The following ANKRD55 variants were observed in gnomAD, a reference collection of about 807,000 sequenced individuals.
ANKRD55 encodes the protein ankyrin repeat domain 55.
Under a neutral mutation model 60.6 loss-of-function variants are expected in ANKRD55, and 41 were observed. That is an observed-to-expected ratio of 0.68 (90% CI 0.53 to 0.88). The LOEUF (loss-of-function observed/expected upper bound fraction) is 0.88. Ranked by LOEUF, ANKRD55 falls within the 40% of genes least tolerant of loss-of-function variation. ANKRD55 has a pLI of 0.00. For synonymous variants in ANKRD55, 264 were observed against 290.3 expected, an observed-to-expected ratio of 0.91 and a Z score of 0.92; for missense variants, 732 against 767.6, an observed-to-expected ratio of 0.95 and a Z score of 0.55.
intron 10 of ANKRD55, among the ~76,000 whole-genome samples, chr5:56,103,517 G>T (rs1756353579): frequency 6.6e-6 from 1 of 152,144 alleles, no homozygotes; most frequent in Non-Finnish European, 1.5e-5. Flanking sequence ...GGGCTCTGGG[G>T]TCAAACAGAA....
rs146577911 is a variant in ANKRD55, at chr5:56,183,616, A to G, written c.77T>C (p.Val26Ala). The change falls in exon 3 of 12, where the codon GTT becomes GCT. Residue 26 changes from valine to alanine, a missense_variant. Coordinates refer to ENST00000341048, the MANE Select transcript of ANKRD55 (RefSeq NM_024669.3). The part of the protein sequence containing the change: ...DQQRGDSSEE[V>A]DLTMVYQAAS... ...TGCTTGATAAACCATGGTCAGGTCA[A>G]CTTCCTCAGATGAGTCACCTTCATG... 1.4e-5 allele frequency: 22 copies of G among 1,614,068 alleles called. No homozygotes were observed. Among genetic ancestry groups the G allele is most frequent in the African/African-American group, 6.7e-5 (5 of 74,922 alleles).
intron 2 of ANKRD55, among the ~76,000 whole-genome samples, chr5:56,231,950 G>A (rs1760269178): frequency 6.6e-6 from 1 of 152,134 alleles, no homozygotes; most frequent in African/African-American, 2.4e-5. Context: ...ACCATTTCAT[G>A]TTGTAGCCAA....
At chr5:56,211,297 G>A (rs111528138) in intron 2 of ANKRD55, among the ~76,000 whole-genome samples, 4,970 of 152,260 alleles carry the variant, frequency 0.033, 94 homozygotes, top group Middle Eastern at 0.054. Flanking sequence ...CCGTTTCAAT[G>A]CCTGAGTAAC....
intron 4 of ANKRD55, among the ~76,000 whole-genome samples, chr5:56,171,488 T>C (rs555106846): frequency 2.0e-5 from 3 of 152,302 alleles, no homozygotes; most frequent in Admixed American, 6.5e-5. Flanking sequence ...ATCTTCTCAT[T>C]GTCTTTCCCA....
At chr5:56,135,347 CT>C (rs1234249440) in intron 7 of ANKRD55, among the ~76,000 whole-genome samples, 29 of 30,608 alleles carry the variant, frequency 9.5e-4, no homozygotes, top group African/African-American at 3.7e-3. Context: ...TTCTTTCTTT[CT>C]TTCTTTCTTT....
chr5:56,100,710 G>C (rs559501418), intron 11 of ANKRD55, among the ~76,000 whole-genome samples: 1 of 152,148 alleles, frequency 6.6e-6, no homozygotes, highest in Admixed American at 6.5e-5. Context: ...AGCACTGTGG[G>C]CCCTTTCATT....
chr5:56,189,203 C>T (rs1048639230), intron 2 of ANKRD55, among the ~76,000 whole-genome samples: 1 of 150,584 alleles, frequency 6.6e-6, no homozygotes, highest in African/African-American at 2.4e-5. Context: ...AAAAATTGTG[C>T]AGGAGGCTGA....
rs565473555 is a variant in ANKRD55 at position 56,166,226 on chromosome 5, T to C, written c.422+4468A>G. 7.2e-4 allele frequency among the ~76,000 whole-genome samples: 106 copies of C among 147,814 alleles called. 7 individuals are homozygous for C. The highest frequency in any genetic ancestry group is 2.6e-3 in the African/African-American group (102 of 39,342). On this transcript the variant is annotated intron_variant, in intron 5 of 11. Transcript: ENST00000341048. ...CTCTCTCTCTCTCTCTCTTTCTTTC[T>C]TTCTTTCTCTCTATCTTTCTCTCTT...
At chr5:56,139,783 G>T (rs1262383871) in intron 7 of ANKRD55, among the ~76,000 whole-genome samples, 1 of 152,174 alleles carries the variant, frequency 6.6e-6, no homozygotes, top group Non-Finnish European at 1.5e-5. Flanking sequence ...TGTAAGAATA[G>T]ATTGGAAGGC....
chr5:56,145,148 T>C (rs1757865787), intron 6 of ANKRD55, among the ~76,000 whole-genome samples: 1 of 152,200 alleles, frequency 6.6e-6, no homozygotes, highest in African/African-American at 2.4e-5. Flanking sequence ...AGTTCTTTTA[T>C]CTATTGTCTC....
chr5:56,212,106 A>C (rs1759690249), intron 2 of ANKRD55, among the ~76,000 whole-genome samples: 1 of 151,336 alleles, frequency 6.6e-6, no homozygotes. Flanking sequence ...CTATAGACCA[A>C]TTCGGTTTGT....
rs1366422855 is a variant in ANKRD55 at position 56,126,968 on chromosome 5, C to G, written c.751G>C (p.Ala251Pro). 6.2e-7 allele frequency: 1 copy of G among 1,613,762 alleles called. No homozygotes were observed. The highest frequency in any genetic ancestry group is 1.1e-5 in the South Asian group (1 of 91,010). ...TGCAGGTTACACTCAGGGACTCTTG[C>G]CAGCTCATGAATAATATCGCTGAAG... Reference protein sequence around the residue: ...AGFSDIIHELARVPECNLQAL... With the variant: ...AGFSDIIHELPRVPECNLQAL... The change falls in exon 8 of 12, where the codon GCA becomes CCA. Residue 251 changes from alanine to proline, a missense_variant. By Grantham distance (27) the Ala-to-Pro change is conservative. This residue lies in a region of ANKRD55 where 597 missense variants were observed against 607.5 expected (regional missense o/e 0.98). Coordinates refer to ENST00000341048, the MANE Select transcript of ANKRD55 (RefSeq NM_024669.3).
chr5:56,125,075 T>C lies in ANKRD55; in HGVS notation c.797+1847A>G, dbSNP rs552019734. ...ATTTTCTTTGCTAAGTGGGTGGTAT[T>C]GCAAAATGGGAACTATTCTGTTCAA... On this transcript the variant is annotated intron_variant, in intron 8 of 11. Transcript: ENST00000341048. Among the ~76,000 whole-genome samples the C allele has an allele frequency of 6.6e-5, 10 of 152,308 alleles. No homozygotes were observed. In the East Asian group the frequency reaches 1.9e-3, roughly 29 times the overall value.
intron 2 of ANKRD55, among the ~76,000 whole-genome samples, chr5:56,206,280 A>G (rs1407374229): frequency 1.3e-5 from 2 of 152,164 alleles, no homozygotes; most frequent in African/African-American, 4.8e-5. Context: ...TCTGGCCTCA[A>G]TGATGCATTT....
intron 7 of ANKRD55, among the ~76,000 whole-genome samples, chr5:56,140,118 G>A (rs1240902895): frequency 2.0e-5 from 3 of 152,096 alleles, no homozygotes; most frequent in African/African-American, 4.8e-5. Context: ...CTCATTATAT[G>A]GTCCAAGAGA....
At chr5:56,146,361 TG>T (rs1248832379) in intron 6 of ANKRD55, among the ~76,000 whole-genome samples, 2 of 151,896 alleles carry the variant, frequency 1.3e-5, no homozygotes, top group Non-Finnish European at 2.9e-5. Context: ...TTCGGCTCAC[TG>T]CAACTGCCAC....
At chr5:56,210,437 CT>C (rs1032242675) in intron 2 of ANKRD55, among the ~76,000 whole-genome samples, 11 of 151,858 alleles carry the variant, frequency 7.2e-5, no homozygotes, top group Non-Finnish European at 1.6e-4. Flanking sequence ...TGGCGGGCGC[CT>C]GTAGTCCCAG....
chr5:56,213,745 A>G (rs372817371), intron 2 of ANKRD55, among the ~76,000 whole-genome samples: 131 of 152,338 alleles, frequency 8.6e-4, no homozygotes, highest in Admixed American at 2.2e-3. Context: ...CTCGGAAGAT[A>G]GAACACCAGG....
chr5:56,160,835 G>T (rs1229554973), intron 5 of ANKRD55: 1 of 152,238 alleles, frequency 6.6e-6, no homozygotes, highest in African/African-American at 2.4e-5. Context: ...GCTCCATCTG[G>T]GAGAGGGGGG....
Sources: gnomAD v4.1 joint callset for allele counts (sites outside exome capture counted in the v4.1 genomes callset) on GRCh38, gnomAD v4.1.1 for gene constraint, gnomAD v4.1.1 regional missense constraint, MANE v1.5 for transcripts, NCBI Gene and HGNC (gene_info 2026-07-23, HGNC 2026-07-21) for gene names.